Variants in ZNF888 observed in about 807,000 individuals in gnomAD.
ZNF888 encodes the protein CTD-2331H12.6.
A neutral mutation model predicts 7.2 loss-of-function variants in ZNF888; 5 were observed. That is an observed-to-expected ratio of 0.70 (90% CI 0.36 to 1.46). The LOEUF is 1.46. ZNF888 is among the 40% of genes most tolerant of loss of function. The pLI is 0.03. For synonymous variants in ZNF888, 240 were observed against 284.3 expected, an observed-to-expected ratio of 0.84 and a Z score of 1.57; for missense variants, 716 against 858.0, an observed-to-expected ratio of 0.83 and a Z score of 2.07.
At chr19:52,909,053 G>C (rs1055894297) in intron 4 of ZNF888, among the ~76,000 whole-genome samples, 1 of 150,884 alleles carries the variant, frequency 6.6e-6, no homozygotes, top group Admixed American at 6.6e-5. Flanking sequence ...GCTGAGGCAG[G>C]AGAATTGCTT....
chr19:52,913,428 G>C (rs1371141068), intron 4 of ZNF888, among the ~76,000 whole-genome samples: 1 of 146,284 alleles, frequency 6.8e-6, no homozygotes, highest in Non-Finnish European at 1.5e-5. Context: ...AGGTTCAAGT[G>C]ACTCTCCTGG....
At position 52,906,229 on chromosome 19, in the gene ZNF888, G is replaced by A; in HGVS notation, c.2093C>T (p.Ala698Val). The A allele has an allele frequency of 6.2e-7, 1 of 1,610,068 alleles. No homozygotes were observed. The highest frequency in any genetic ancestry group is 8.5e-7 in the Non-Finnish European group (1 of 1,177,806). The change falls in exon 5 of 5, where the codon GCC becomes GTC. Residue 698 changes from alanine (A) to valine (V), a missense_variant. By Grantham distance (64) the Ala-to-Val change is moderately conservative. This residue lies in a region of ZNF888 where 697 missense variants were observed against 803.4 expected (regional missense o/e 0.87). Transcript: ENST00000638862. ...KPFKCSECGKAFRAQSTLIHH... is the reference protein window; with the variant it reads ...KPFKCSECGKVFRAQSTLIHH... Reference sequence around the variant, plus strand: ...AATAAGTGTTGACTGTGCACGAAAGGCTTTGCCACACTCACTACACTTGAA... The same window carrying A: ...AATAAGTGTTGACTGTGCACGAAAGACTTTGCCACACTCACTACACTTGAA...
intron 4 of ZNF888, chr19:52,914,330 T>C (rs1437449110): frequency 1.0e-6 from 1 of 984,748 alleles, no homozygotes; most frequent in East Asian, 1.1e-4. Context: ...ATCTGGACTT[T>C]TTTGCTATTT....
At chr19:52,911,107 G>A (rs1249386724) in intron 4 of ZNF888, among the ~76,000 whole-genome samples, 1 of 152,114 alleles carries the variant, frequency 6.6e-6, no homozygotes, top group Non-Finnish European at 1.5e-5. Flanking sequence ...TCGAACTCCT[G>A]ACCTCAAGTG....
chr19:52,910,932 G>A (rs1206440708), intron 4 of ZNF888, among the ~76,000 whole-genome samples: 2 of 152,146 alleles, frequency 1.3e-5, no homozygotes, highest in African/African-American at 2.4e-5. Flanking sequence ...CCGGGCTGGA[G>A]TGCAGTGGGG....
intron 2 of ZNF888, chr19:52,918,143 G>C: frequency 7.3e-7 from 1 of 1,369,382 alleles, no homozygotes; most frequent in Non-Finnish European, 9.4e-7. Context: ...GCAGCAGTAG[G>C]GATCTGGGCT....
At chr19:52,912,401 C>T (rs961803770) in intron 4 of ZNF888, among the ~76,000 whole-genome samples, 5 of 151,586 alleles carry the variant, frequency 3.3e-5, no homozygotes, top group African/African-American at 1.2e-4. Flanking sequence ...GCATGAGCCA[C>T]CGTGCCTGGC....
At chr19:52,915,452 T>C (rs756980274) in intron 3 of ZNF888, 130 bp from the exon 4 acceptor site, 10 of 1,598,868 alleles carry the variant, frequency 6.3e-6, no homozygotes, top group Non-Finnish European at 8.5e-6. Flanking sequence ...AGTAAGGGAT[T>C]CTTCACCACA....
At chr19:52,916,629 T>TATATATATATATATAC (rs1568747429) in intron 3 of ZNF888, among the ~76,000 whole-genome samples, 5 of 96,032 alleles carry the variant, frequency 5.2e-5, no homozygotes, top group African/African-American at 1.9e-4. Context: ...TATATATATA[T>TATATATATATATATAC]ATATATATAT....
At position 52,907,464 on chromosome 19, in the gene ZNF888, T is replaced by A; in HGVS notation, c.858A>T (p.Ala286=). 3.1e-6 allele frequency: 5 copies of A among 1,605,320 alleles called. No individual in the cohort carries two copies. Among genetic ancestry groups the A allele is most frequent in the Non-Finnish European group, 4.3e-6 (5 of 1,176,332 alleles). Residue 286 remains alanine (A), a synonymous_variant, in exon 5 of 5, where the codon GCA becomes GCT. Transcript: ENST00000638862. ...GKVFNKKAYL[A]RHYRRHTGEK... ...CTCCAGTATGACGTCTATAATGACG[T>A]GCAAGGTATGCTTTTTTATTAAAAA...
chr19:52,923,381 A>T lies in ZNF888; in HGVS notation c.-190T>A. On this transcript the variant is annotated 5_prime_UTR_variant, in exon 1 of 5. Coordinates refer to ENST00000638862, the MANE Select transcript of ZNF888 (RefSeq NM_001393938.1). ...GAGCAAAACTCACCGCCGCAGTGTG[A>T]CTTCCAGTCCACGCGATCCGCTTCC... 1 of 985,958 alleles carries T rather than the reference A, an allele frequency of 1.0e-6. No individual in the cohort carries two copies. Among genetic ancestry groups the T allele is most frequent in the Non-Finnish European group, 1.2e-6 (1 of 830,030 alleles). The allele number at this position is 985,958 out of a possible 1,614,324, so 61.1% of individuals were successfully genotyped here. A position where few individuals can be genotyped will look rare whatever the true frequency, so the allele number is the denominator to read the frequency against.
At chr19:52,913,464 A>AATCC (rs1306833021) in intron 4 of ZNF888, among the ~76,000 whole-genome samples, 1 of 151,040 alleles carries the variant, frequency 6.6e-6, no homozygotes, top group African/African-American at 2.4e-5. Context: ...AGCTGGGATT[A>AATCC]CAGCTGCCCA....
At chr19:52,913,375 A>AGT (rs1046728137) in intron 4 of ZNF888, among the ~76,000 whole-genome samples, 1 of 119,890 alleles carries the variant, frequency 8.3e-6, no homozygotes, top group Non-Finnish European at 1.6e-5. Flanking sequence ...CCCAGCCTGG[A>AGT]GTGCAATGGT....
chr19:52,920,389 T>C (rs553764736), intron 1 of ZNF888, among the ~76,000 whole-genome samples: 1,453 of 54,702 alleles, frequency 0.027, 482 homozygotes, highest in African/African-American at 0.08. Context: ...TGTGACCTTA[T>C]CCCCAACCCT....
chr19:52,921,765 T>C (rs2064824627), intron 1 of ZNF888: 1 of 420,766 alleles, frequency 2.4e-6, no homozygotes, highest in South Asian at 1.0e-4. Flanking sequence ...CCGTTTCTAC[T>C]GAAAATACAA....
chr19:52,917,259 C>A (rs1452148611), intron 3 of ZNF888: 1 of 169,574 alleles, frequency 5.9e-6, no homozygotes, highest in African/African-American at 2.4e-5. Context: ...CAGGTCACTG[C>A]AACCTCCGCC....
In ZNF888 at chr19:52,905,719, G is replaced by A. The variant is rs969804483; in HGVS notation, c.*446C>T. On this transcript the variant is annotated 3_prime_UTR_variant, in exon 5 of 5. Coordinates refer to ENST00000638862, the MANE Select transcript of ZNF888 (RefSeq NM_001393938.1). ...TGAACTGACTCTAGTGTCAATTAAT[G>A]CTTGATGGTTTGCTATACTCATTGC... 2.1e-6 allele frequency: 1 copy of A among 467,512 alleles called. No homozygotes were observed. Among genetic ancestry groups the A allele is most frequent in the African/African-American group, 1.9e-5 (1 of 51,848 alleles). The allele number at this position is 467,512 out of a possible 1,614,324, so 29.0% of individuals were successfully genotyped here. A position where few individuals can be genotyped will look rare whatever the true frequency, so the allele number is the denominator to read the frequency against.
At position 52,905,444 on chromosome 19, in the gene ZNF888, T is replaced by TAAAAAAAA. The variant is rs35926269; in HGVS notation, c.*713_*720dup. ...CTCAGCTTGCCTGCACCCAGGTGATTAAAAAAAAAAAAAATCTGTATCTGT... is the reference window on the plus strand; with the variant it reads ...CTCAGCTTGCCTGCACCCAGGTGATTAAAAAAAAAAAAAAAAAAAAAATCTGTATCTGT... On this transcript the variant is annotated 3_prime_UTR_variant, in exon 5 of 5. Coordinates refer to ENST00000638862, the MANE Select transcript of ZNF888 (RefSeq NM_001393938.1). 1 of 150,942 alleles carries TAAAAAAAA rather than the reference T, an allele frequency of 6.6e-6. No individual in the cohort carries two copies. The highest frequency in any genetic ancestry group is 2.6e-5 in the African/African-American group (1 of 38,128). 9.4% of individuals were successfully genotyped at this position (150,942 alleles called of 1,614,324 possible).
chr19:52,909,951 CAGG>C (rs964270955), intron 4 of ZNF888, among the ~76,000 whole-genome samples: 2 of 151,832 alleles, frequency 1.3e-5, no homozygotes, highest in African/African-American at 4.8e-5. Flanking sequence ...CACCCAAGGT[CAGG>C]AGTTCTAGAA....
Sources: allele counts gnomAD v4.1 joint callset (sites outside exome capture counted in the v4.1 genomes callset), GRCh38; gene constraint gnomAD v4.1.1; regional missense constraint gnomAD v4.1.1; transcripts MANE v1.5; gene names NCBI Gene and HGNC (gene_info 2026-07-23, HGNC 2026-07-21).